Variants in STMN3 observed in about 807,000 individuals in gnomAD.
STMN3 encodes stathmin-3.
Under a neutral mutation model 23.2 loss-of-function variants are expected in STMN3, and 24 were observed. The ratio of observed to expected loss-of-function variants is 1.03; its 90% CI spans 0.75 to 1.45. The LOEUF (loss-of-function observed/expected upper bound fraction) is 1.45. Ranked by LOEUF, STMN3 falls within the 40% of genes most tolerant of loss-of-function variation. The probability of loss-of-function intolerance (pLI) is 0.00; values close to 1 mark genes in which losing one functional copy is unlikely to be tolerated. For missense variants in STMN3, 235 were observed against 237.6 expected (o/e 0.99, Z 0.07); for synonymous variants, 117 against 103.4 (o/e 1.13, Z -0.80).
chr20:63,647,986 A>ATG lies in STMN3; in HGVS notation c.20-3678_20-3677insCA, dbSNP rs1194818224. ...TATATATATATATATATATACATAT[A>ATG]TATATACAGAGAGAGAGAGAGTAGT... On this transcript the variant is annotated intron_variant, in intron 1 of 4. Transcript: ENST00000370053. Among the ~76,000 whole-genome samples, 65 of 107,640 alleles carry ATG rather than the reference A, an allele frequency of 6.0e-4. 1 individual carries two copies. The highest frequency in any genetic ancestry group is 1.1e-3 in the Non-Finnish European group (60 of 53,222). The allele number at this position is 107,640 out of a possible 152,430, so 70.6% of individuals were successfully genotyped here. A position where few individuals can be genotyped will look rare whatever the true frequency, so the allele number is the denominator to read the frequency against.
intron 1 of STMN3, among the ~76,000 whole-genome samples, chr20:63,647,977 T>G (rs1401682658): frequency 1.3e-5 from 1 of 77,886 alleles, no homozygotes; most frequent in African/African-American, 5.9e-5. Context: ...TATATATATA[T>G]ATACATATAT....
chr20:63,646,220 C>G (rs2089807733), intron 1 of STMN3, among the ~76,000 whole-genome samples: 1 of 151,844 alleles, frequency 6.6e-6, no homozygotes. Flanking sequence ...GTGCGAGAGC[C>G]TTTGGGGGAA....
chr20:63,649,267 GGGCA>G (rs2089839776), intron 1 of STMN3, among the ~76,000 whole-genome samples: 2 of 152,164 alleles, frequency 1.3e-5, no homozygotes, highest in African/African-American at 4.8e-5. Context: ...AGATTGGAGG[GGGCA>G]GGACAGCAGG....
At position 63,652,997 on chromosome 20, in the gene STMN3, G is replaced by C. The variant is rs1038841515; in HGVS notation, c.19+330C>G. On this transcript the variant is annotated intron_variant, in intron 1 of 4. Coordinates refer to ENST00000370053, the MANE Select transcript of STMN3 (RefSeq NM_015894.4). This position sits in a 1 kb window ranked among gnomAD's most constrained non-coding sequence, Gnocchi z 5.3. ...GACCCCGCCCGCACATCGCGAGCGC[G>C]CCCACCCGGTCGCGAGCCCACGCCC... Among the ~76,000 whole-genome samples, 1 of 151,894 alleles carries C rather than the reference G, an allele frequency of 6.6e-6. No individual in the cohort carries two copies. Among genetic ancestry groups the C allele is most frequent in the Admixed American group, 6.6e-5 (1 of 15,254 alleles).
chr20:63,641,952 T>C (rs1601053916), intron 4 of STMN3, among the ~76,000 whole-genome samples, 156 bp downstream of exon 4: 6 of 66,430 alleles, frequency 9.0e-5, no homozygotes, highest in Non-Finnish European at 1.2e-4. Flanking sequence ...CCCTGCCCGC[T>C]CCGAGCTCCG....
intron 1 of STMN3, among the ~76,000 whole-genome samples, chr20:63,648,053 G>A (rs1317908669): frequency 2.8e-5 from 4 of 143,738 alleles, no homozygotes; most frequent in South Asian, 2.2e-4. Context: ...TTGAACTCCC[G>A]GCCTCAAGAG....
chr20:63,644,162 G>A (rs765186968), intron 2 of STMN3, 52 bp downstream of exon 2: 2 of 1,531,416 alleles, frequency 1.3e-6, no homozygotes, highest in Non-Finnish European at 1.8e-6. Context: ...CGGGGGAAAA[G>A]GTGAGGTGGG....
At chr20:63,646,579 T>C (rs2089811191) in intron 1 of STMN3, among the ~76,000 whole-genome samples, 1 of 151,586 alleles carries the variant, frequency 6.6e-6, no homozygotes, top group Non-Finnish European at 1.5e-5. Flanking sequence ...AGTCTCGATC[T>C]CCTGACCTCG....
At chr20:63,651,861 C>G (rs961067234) in intron 1 of STMN3, among the ~76,000 whole-genome samples, 1 of 152,134 alleles carries the variant, frequency 6.6e-6, no homozygotes, top group African/African-American at 2.4e-5. Flanking sequence ...GCCCAGATGC[C>G]GAGATGCCCT....
At chr20:63,643,969 G>T (rs752544400) in intron 2 of STMN3, 38 bp from the exon 3 acceptor site, 234 of 1,582,494 alleles carry the variant, frequency 1.5e-4, no homozygotes, top group Non-Finnish European at 1.9e-4. Flanking sequence ...CAGAGGCCCG[G>T]CCAGGGCATG....
chr20:63,642,437 G>T, intron 3 of STMN3, 138 bp from the exon 4 acceptor site: 1 of 362,606 alleles, frequency 2.8e-6, no homozygotes, highest in Non-Finnish European at 4.8e-6. Context: ...GGTGGGCGCC[G>T]GGACCCCCGG....
chr20:63,647,662 A>T (rs962634580), intron 1 of STMN3, among the ~76,000 whole-genome samples: 12 of 130,390 alleles, frequency 9.2e-5, no homozygotes, highest in Admixed American at 8.5e-4. Flanking sequence ...GTATATATAT[A>T]ATATATATAT....
chr20:63,644,492 C>T (rs73135821), intron 1 of STMN3, among the ~76,000 whole-genome samples, 183 bp from the exon 2 acceptor site: 68,189 of 151,900 alleles, frequency 0.45, 15,786 homozygotes, highest in Middle Eastern at 0.49. Context: ...TTCCAGACGT[C>T]GGCACTGTCT....
At chr20:63,651,292 G>A (rs1290539566) in intron 1 of STMN3, among the ~76,000 whole-genome samples, 1 of 152,204 alleles carries the variant, frequency 6.6e-6, no homozygotes. Context: ...AAGGCTCAGA[G>A]AGGGCAAGCA....
rs1158765724 is a variant in STMN3 at position 63,643,897 on chromosome 20, T to C, written c.150A>G (p.Ser50=). 19 of 1,598,948 alleles carry C rather than the reference T, an allele frequency of 1.2e-5. No individual in the cohort carries two copies. Among genetic ancestry groups the C allele is most frequent in the Non-Finnish European group, 1.5e-5 (18 of 1,176,166 alleles). The change falls in exon 3 of 5, where the codon TCA becomes TCG. Residue 50 remains serine, a synonymous_variant. Transcript: ENST00000370053. ...TGAGGATGACCTCGAAGCTCTGGCC[T>C]GAGGCCCGCTTGTCCAGCTGCTTCA... ...MEVKQLDKRA[S]GQSFEVILKS...
At chr20:63,643,506 TC>T (rs2089784475) in intron 3 of STMN3, among the ~76,000 whole-genome samples, 1 of 152,134 alleles carries the variant, frequency 6.6e-6, no homozygotes, top group African/African-American at 2.4e-5. Context: ...ATCTTGAACT[TC>T]CAACCTCAAG....
At chr20:63,642,947 G>A (rs1351326544) in intron 3 of STMN3, among the ~76,000 whole-genome samples, 1 of 152,152 alleles carries the variant, frequency 6.6e-6, no homozygotes, top group Non-Finnish European at 1.5e-5. Flanking sequence ...CTCCAGGGTG[G>A]CACCCCCAAA....
intron 3 of STMN3, 92 bp downstream of exon 3, chr20:63,643,664 C>T (rs1412230734): frequency 6.9e-7 from 1 of 1,440,188 alleles, no homozygotes; most frequent in African/African-American, 1.5e-5. Context: ...CTGACCAAGC[C>T]TGTCCGGGAG....
At chr20:63,653,214 AG>A in intron 1 of STMN3, 112 bp downstream of exon 1, 1 of 1,335,958 alleles carries the variant, frequency 7.5e-7, no homozygotes. Flanking sequence ...TGCAACGCGC[AG>A]GGTAGGAGAA....
Sources: gnomAD v4.1 joint callset for allele counts (sites outside exome capture counted in the v4.1 genomes callset) on GRCh38, gnomAD v4.1.1 for gene constraint, Gnocchi (gnomAD v3.1) non-coding constraint, MANE v1.5 for transcripts, NCBI Gene and HGNC (gene_info 2026-07-23, HGNC 2026-07-21) for gene names.